NPAT: variants seen among roughly 807,000 people sequenced by gnomAD.
NPAT encodes protein NPAT.
NPAT carries 52 observed loss-of-function variants against 130.7 expected under a neutral mutation model. That is an observed-to-expected ratio of 0.40 (90% CI 0.32 to 0.50). The LOEUF is 0.50. Among genes scored for constraint, NPAT ranks in the 20% least tolerant of loss-of-function variants. The probability of loss-of-function intolerance (pLI) is 0.68; values close to 1 mark genes in which losing one functional copy is unlikely to be tolerated. For synonymous variants in NPAT, 580 were observed against 584.8 expected, an observed-to-expected ratio of 0.99 and a Z score of 0.12; for missense variants, 1,687 against 1,662.6, an observed-to-expected ratio of 1.01 and a Z score of -0.26.
chr11:108,174,669 A>G (rs2077987536), intron 12 of NPAT, among the ~76,000 whole-genome samples: 1 of 144,828 alleles, frequency 6.9e-6, no homozygotes, highest in Non-Finnish European at 1.5e-5. Context: ...GCTGGAGTGC[A>G]GCGGTGCGAT....
chr11:108,195,740 G>A (rs537278250), intron 2 of NPAT, among the ~76,000 whole-genome samples: 37 of 152,122 alleles, frequency 2.4e-4, no homozygotes, highest in African/African-American at 8.0e-4. Context: ...CAATCCTCCA[G>A]CCTCATCCTC....
intron 10 of NPAT, among the ~76,000 whole-genome samples, chr11:108,180,062 C>T (rs1335766468): frequency 1.3e-5 from 2 of 152,080 alleles, no homozygotes; most frequent in African/African-American, 4.8e-5. Context: ...CACCGAGGCT[C>T]ACACCTATAG....
intron 1 of NPAT, among the ~76,000 whole-genome samples, chr11:108,197,869 A>G (rs2078238898): frequency 6.6e-6 from 1 of 152,236 alleles, no homozygotes; most frequent in Admixed American, 6.5e-5. Context: ...AAAAGAATGA[A>G]CAGAAGACCT....
At chr11:108,183,316 G>A (rs1172432169) in intron 10 of NPAT, among the ~76,000 whole-genome samples, 1 of 152,036 alleles carries the variant, frequency 6.6e-6, no homozygotes, top group Non-Finnish European at 1.5e-5. Context: ...GATAAGAGAG[G>A]TTTTTGAAAG....
At chr11:108,205,068 G>A (rs765801844) in intron 1 of NPAT, among the ~76,000 whole-genome samples, 1 of 152,072 alleles carries the variant, frequency 6.6e-6, no homozygotes, top group African/African-American at 2.4e-5. Flanking sequence ...TAATCAAACT[G>A]AAAATACAAA....
chr11:108,165,474 T>A (rs201779336), intron 15 of NPAT, among the ~76,000 whole-genome samples: 26 of 105,828 alleles, frequency 2.5e-4, no homozygotes, highest in Admixed American at 3.2e-4. Context: ...ATATATATAT[T>A]TTTTTTTTGT....
At chr11:108,210,932 A>G (rs1186534623) in intron 1 of NPAT, among the ~76,000 whole-genome samples, 1 of 152,226 alleles carries the variant, frequency 6.6e-6, no homozygotes, top group East Asian at 1.9e-4. Context: ...ATGAAACTGG[A>G]CATGGGAGCC....
At position 108,167,576 on chromosome 11, in the gene NPAT, G is replaced by A. The variant is rs553660913; in HGVS notation, c.3010+2168C>T. On this transcript the variant is annotated intron_variant, in intron 15 of 17. Transcript: ENST00000278612. ...GGATGTATGGGACCTTGTTTATGGT[G>A]GAAGTATAATCAGATGTCAGTGGGG... is the stretch of plus-strand genomic sequence containing the variant. Among the ~76,000 whole-genome samples the A allele has an allele frequency of 5.3e-5, 8 of 152,198 alleles. No homozygotes were observed. In the East Asian group the frequency reaches 1.4e-3, roughly 26 times the overall value.
At chr11:108,163,909 AAGTC>A (rs1383732221) in intron 15 of NPAT, among the ~76,000 whole-genome samples, 4 of 152,256 alleles carry the variant, frequency 2.6e-5, no homozygotes, top group African/African-American at 9.6e-5. Context: ...TTAACATAAA[AAGTC>A]AGCAGGTGGG....
chr11:108,194,405 ATTATGT>A (rs1376642587), intron 2 of NPAT, among the ~76,000 whole-genome samples: 1 of 152,156 alleles, frequency 6.6e-6, no homozygotes, highest in African/African-American at 2.4e-5. Context: ...TGGTTTCATT[ATTATGT>A]TTATTTGTAT....
chr11:108,179,209 T>C (rs2078036285), intron 10 of NPAT, among the ~76,000 whole-genome samples: 1 of 152,230 alleles, frequency 6.6e-6, no homozygotes, highest in Non-Finnish European at 1.5e-5. Flanking sequence ...CCTTACACCA[T>C]ATATGAAAAT....
intron 10 of NPAT, among the ~76,000 whole-genome samples, chr11:108,181,956 A>AT (rs1257727655): frequency 6.6e-6 from 1 of 152,196 alleles, no homozygotes; most frequent in Non-Finnish European, 1.5e-5. Context: ...AAGTAGTGTG[A>AT]TGGCTTTTCA....
At chr11:108,221,494 T>C (rs1346447275) in intron 1 of NPAT, among the ~76,000 whole-genome samples, 1 of 152,238 alleles carries the variant, frequency 6.6e-6, no homozygotes, top group African/African-American at 2.4e-5. Context: ...CGTTTAACGT[T>C]TCCTGCAAAA....
intron 15 of NPAT, among the ~76,000 whole-genome samples, chr11:108,163,610 A>G (rs1301063275): frequency 6.6e-6 from 1 of 152,240 alleles, no homozygotes; most frequent in Non-Finnish European, 1.5e-5. Flanking sequence ...AAGGGGAAAA[A>G]CACTAGGCAG....
At chr11:108,213,834 G>C (rs2078407573) in intron 1 of NPAT, among the ~76,000 whole-genome samples, 1 of 152,108 alleles carries the variant, frequency 6.6e-6, no homozygotes, top group African/African-American at 2.4e-5. Flanking sequence ...AAAAAATCCA[G>C]ACCTTTCTTA....
At chr11:108,222,195 T>C (rs1442576637) in intron 1 of NPAT, among the ~76,000 whole-genome samples, 1 of 152,188 alleles carries the variant, frequency 6.6e-6, no homozygotes, top group African/African-American at 2.4e-5. Flanking sequence ...ACAAATGCTC[T>C]TTCAGGGGTC....
chr11:108,205,935 C>T (rs2078320995), intron 1 of NPAT, among the ~76,000 whole-genome samples: 1 of 152,108 alleles, frequency 6.6e-6, no homozygotes, highest in South Asian at 2.1e-4. Context: ...ATCTCAGCTA[C>T]TTGGGAAGCT....
At chr11:108,162,037 T>A (rs776470501) in intron 16 of NPAT, 23 bp from the exon 17 acceptor site, 6 of 1,608,908 alleles carry the variant, frequency 3.7e-6, no homozygotes, top group Admixed American at 3.4e-5. Flanking sequence ...AAAACAAAAC[T>A]ATTTCTAGCA....
intron 6 of NPAT, among the ~76,000 whole-genome samples, chr11:108,188,586 T>C (rs1021535873): frequency 7.9e-5 from 12 of 152,234 alleles, no homozygotes; most frequent in African/African-American, 2.7e-4. Context: ...ATCCCAACTC[T>C]GTTATTAACT....
Sources: allele counts gnomAD v4.1 joint callset (sites outside exome capture counted in the v4.1 genomes callset), GRCh38; gene constraint gnomAD v4.1.1; transcripts MANE v1.5; gene names NCBI Gene and HGNC (gene_info 2026-07-23, HGNC 2026-07-21).